XKR6: variants seen among roughly 807,000 people sequenced by gnomAD.
The protein encoded by XKR6 is XK-related protein 6.
XKR6 carries 22 observed loss-of-function variants against 56.7 expected under a neutral mutation model. That is an observed-to-expected ratio of 0.39 (90% CI 0.28 to 0.55). XKR6 has a LOEUF of 0.55. XKR6 is among the 20% of genes least tolerant of loss of function. XKR6 has a pLI of 0.66. For missense variants in XKR6, 852 were observed against 889.0 expected, an observed-to-expected ratio of 0.96 and a Z score of 0.53; for synonymous variants, 524 against 387.8, an observed-to-expected ratio of 1.35 and a Z score of -4.13.
chr8:11,153,830 C>T (rs1801377030), intron 1 of XKR6, among the ~76,000 whole-genome samples: 1 of 152,208 alleles, frequency 6.6e-6, no homozygotes, highest in South Asian at 2.1e-4. Flanking sequence ...ATCAACAGAT[C>T]CTCATGCTCC....
At chr8:11,076,901 G>C (rs1800288573) in intron 1 of XKR6, among the ~76,000 whole-genome samples, 1 of 152,212 alleles carries the variant, frequency 6.6e-6, no homozygotes, top group Non-Finnish European at 1.5e-5. Flanking sequence ...AGCTGGCTGA[G>C]CGCGGTGGCT....
chr8:11,016,816 G>A lies in XKR6; in HGVS notation c.765-91986C>T, dbSNP rs568676316. 3.1e-3 allele frequency among the ~76,000 whole-genome samples: 467 copies of A among 152,260 alleles called. 1 individual carries two copies. The highest frequency in any genetic ancestry group is 0.011 in the African/African-American group (446 of 41,554). ...ACCACTCTTCTCTCTCGGGCCAGCC[G>A]AGCCCAAAAGGCCTCTCCTCTTCTG... is the stretch of plus-strand genomic sequence containing the variant. On this transcript the variant is annotated intron_variant, in intron 1 of 2. Transcript: ENST00000416569.
chr8:11,023,426 C>A (rs1455537143), intron 1 of XKR6, among the ~76,000 whole-genome samples: 1 of 152,166 alleles, frequency 6.6e-6, no homozygotes, highest in Non-Finnish European at 1.5e-5. Flanking sequence ...GCCACCACAC[C>A]CGACTAATTT....
chr8:11,056,876 C>T (rs566254492), intron 1 of XKR6, among the ~76,000 whole-genome samples: 1 of 152,290 alleles, frequency 6.6e-6, no homozygotes, highest in African/African-American at 2.4e-5. Flanking sequence ...CTCTTGGCCC[C>T]TTTCAGGCCT....
intron 1 of XKR6, among the ~76,000 whole-genome samples, chr8:11,181,640 A>T (rs1218490381): frequency 6.6e-6 from 1 of 152,212 alleles, no homozygotes; most frequent in Non-Finnish European, 1.5e-5. Context: ...TATATAAAGG[A>T]AGAAAATTTG....
intron 1 of XKR6, among the ~76,000 whole-genome samples, chr8:11,032,702 G>A (rs957493790): frequency 1.3e-5 from 2 of 152,148 alleles, no homozygotes; most frequent in African/African-American, 4.8e-5. Flanking sequence ...CAGGAGCTGG[G>A]GCCATTGCAG....
chr8:10,900,785 C>T (rs1181038852), intron 2 of XKR6, among the ~76,000 whole-genome samples: 1 of 151,234 alleles, frequency 6.6e-6, no homozygotes, highest in African/African-American at 2.4e-5. Context: ...TAGGGTGCAG[C>T]AGGGAGAACT....
intron 2 of XKR6, among the ~76,000 whole-genome samples, chr8:10,899,969 T>C (rs1191228409): frequency 6.6e-6 from 1 of 152,178 alleles, no homozygotes; most frequent in Non-Finnish European, 1.5e-5. Flanking sequence ...AGTGCTGTCA[T>C]ACAATCTCCG....
intron 1 of XKR6, among the ~76,000 whole-genome samples, chr8:11,075,275 G>C (rs1470843014): frequency 3.3e-5 from 5 of 152,230 alleles, no homozygotes; most frequent in Non-Finnish European, 5.9e-5. Context: ...AGCAGATGGG[G>C]CACCGACAAA....
chr8:11,137,566 A>G (rs577614764), intron 1 of XKR6: 29 of 456,266 alleles, frequency 6.4e-5, no homozygotes, highest in Middle Eastern at 3.3e-4. Context: ...CTGGAAGAAA[A>G]AGACAGCAGG....
At chr8:11,044,536 G>C (rs1156746102) in intron 1 of XKR6, among the ~76,000 whole-genome samples, 1 of 152,084 alleles carries the variant, frequency 6.6e-6, no homozygotes, top group African/African-American at 2.4e-5. Context: ...GCCAAGGTCA[G>C]CATGAAGTGT....
intron 1 of XKR6, among the ~76,000 whole-genome samples, chr8:11,002,998 C>T (rs1791524286): frequency 6.6e-6 from 1 of 150,492 alleles, no homozygotes; most frequent in South Asian, 2.1e-4. Context: ...AAGGGGACCA[C>T]TGAAAAAAAA....
intron 1 of XKR6, among the ~76,000 whole-genome samples, chr8:11,002,047 T>A (rs527669640): frequency 6.7e-6 from 1 of 149,476 alleles, no homozygotes; most frequent in Non-Finnish European, 1.5e-5. Flanking sequence ...GACAAATCCA[T>A]GTCGTTACCA....
At chr8:10,984,954 T>A (rs912938118) in intron 1 of XKR6, among the ~76,000 whole-genome samples, 8 of 151,780 alleles carry the variant, frequency 5.3e-5, no homozygotes, top group African/African-American at 1.9e-4. Context: ...TTTTTGTTTT[T>A]TTTGAAACGG....
chr8:10,954,082 G>A (rs961186414), intron 1 of XKR6, among the ~76,000 whole-genome samples: 4 of 152,140 alleles, frequency 2.6e-5, no homozygotes, highest in African/African-American at 9.7e-5. Flanking sequence ...CATTTGAGTT[G>A]TTTCCACTTT....
At chr8:10,978,305 T>C (rs547367430) in intron 1 of XKR6, among the ~76,000 whole-genome samples, 1 of 152,264 alleles carries the variant, frequency 6.6e-6, no homozygotes, top group African/African-American at 2.4e-5. Flanking sequence ...TGTTATGCAT[T>C]AATGAATAAT....
At chr8:11,114,724 C>CGTGT (rs1563146255) in intron 1 of XKR6, among the ~76,000 whole-genome samples, 7 of 122,232 alleles carry the variant, frequency 5.7e-5, no homozygotes, top group African/African-American at 3.1e-4. Context: ...ACTTAGATCA[C>CGTGT]ATATGTGTGT....
At position 10,896,320 on chromosome 8, in the gene XKR6, T is replaced by C. The variant is rs1283317943; in HGVS notation, c.*1632A>G. 1 of 152,502 alleles carries C rather than the reference T, an allele frequency of 6.6e-6. No individual in the cohort carries two copies. The highest frequency in any genetic ancestry group is 1.5e-5 in the Non-Finnish European group (1 of 68,010). 9.4% of individuals were successfully genotyped at this position (152,502 alleles called of 1,614,324 possible). On this transcript the variant is annotated 3_prime_UTR_variant, in exon 3 of 3. Transcript: ENST00000416569. ...TGAGAAAATAAACAGTGGAATCAAA[T>C]CCTCACCCAAATGGCATGGCCTCTA...
chr8:11,120,033 TCTCAAAA>T (rs1224566864), intron 1 of XKR6, among the ~76,000 whole-genome samples: 2 of 152,134 alleles, frequency 1.3e-5, no homozygotes, highest in African/African-American at 4.8e-5. Context: ...ATGGGACATA[TCTCAAAA>T]TAATAAGAGC....
Sources: allele counts gnomAD v4.1 joint callset (sites outside exome capture counted in the v4.1 genomes callset), GRCh38; gene constraint gnomAD v4.1.1; transcripts MANE v1.5; gene names NCBI Gene and HGNC (gene_info 2026-07-23, HGNC 2026-07-21).